Variants in SBF1 observed in about 807,000 individuals in gnomAD.
SBF1 encodes myotubularin-related protein 5.
A neutral mutation model predicts 215.8 loss-of-function variants in SBF1; 65 were observed. That is an observed-to-expected ratio of 0.30 (90% CI 0.25 to 0.37). The LOEUF is 0.37. Among genes scored for constraint, SBF1 ranks in the 10% least tolerant of loss-of-function variants. The pLI is 1.00. For synonymous variants in SBF1, 1,410 were observed against 1,122.8 expected (o/e 1.26, Z -5.11); for missense variants, 2,634 against 2,667.8 (o/e 0.99, Z 0.28).
At chr22:50,471,852 A>G (rs1216553704) in intron 1 of SBF1, among the ~76,000 whole-genome samples, 1 of 152,168 alleles carries the variant, frequency 6.6e-6, no homozygotes, top group Non-Finnish European at 1.5e-5. Flanking sequence ...GGGCTCAAGA[A>G]TGCAGCCAGC....
At chr22:50,455,774 C>G in intron 31 of SBF1, 192 bp from the exon 32 acceptor site, 1 of 613,086 alleles carries the variant, frequency 1.6e-6, no homozygotes, top group Non-Finnish European at 2.9e-6. Context: ...CGCCTCCAGC[C>G]TGCTGGTCAC....
At chr22:50,468,049 GACCCTGGGGAC>G (rs1212035146) in intron 2 of SBF1, 126 bp from the exon 3 acceptor site, 1 of 1,222,720 alleles carries the variant, frequency 8.2e-7, no homozygotes, top group Non-Finnish European at 1.1e-6. Flanking sequence ...CTTGCTTGGA[GACCCTGGGGAC>G]ACGTGGCCTC....
intron 24 of SBF1, 48 bp downstream of exon 24, chr22:50,460,486 G>A (rs1384267691): frequency 9.3e-6 from 15 of 1,609,030 alleles, no homozygotes; most frequent in Non-Finnish European, 1.3e-5. Flanking sequence ...GGTTGGAGCG[G>A]GAACACGGCT....
At chr22:50,453,371 C>A (rs2067122334) in intron 36 of SBF1, among the ~76,000 whole-genome samples, 1 of 152,208 alleles carries the variant, frequency 6.6e-6, no homozygotes, top group African/African-American at 2.4e-5. Context: ...CCCGTACTCC[C>A]CCAAACCCTG....
chr22:50,474,844 G>C lies in SBF1; in HGVS notation c.-4C>G, dbSNP rs536127399. 54 of 1,425,534 alleles carry C rather than the reference G, an allele frequency of 3.8e-5. No homozygotes were observed. In the East Asian group the frequency reaches 8.1e-4, roughly 21 times the overall value. The allele number at this position is 1,425,534 out of a possible 1,614,324, so 88.3% of individuals were successfully genotyped here. ...AGTAGTCCGCGAGCCGCGCCATGGC[G>C]AGGGACGCGGGGCGGCCCGAGGGGC... On this transcript the variant is annotated 5_prime_UTR_variant, in exon 1 of 41. Transcript: ENST00000380817.
At position 50,446,952 on chromosome 22, in the gene SBF1, G is replaced by T; in HGVS notation, c.*190C>A. On this transcript the variant is annotated 3_prime_UTR_variant, in exon 41 of 41. Transcript: ENST00000380817. The stretch of plus-strand genomic sequence containing the variant: ...CCACCTCCCGGCACGGTGCTCAGCT[G>T]TGACGCCAAAATAAGTTAGGGCCGG... The T allele has an allele frequency of 1.4e-6, 1 of 709,522 alleles. No homozygotes were observed. The highest frequency in any genetic ancestry group is 2.5e-6 in the Non-Finnish European group (1 of 392,740). The allele number at this position is 709,522 out of a possible 1,614,324, so 44.0% of individuals were successfully genotyped here.
intron 1 of SBF1, 149 bp from the exon 2 acceptor site, chr22:50,468,610 G>A: frequency 3.4e-6 from 2 of 592,114 alleles, no homozygotes; most frequent in South Asian, 2.1e-5. Context: ...TCCGTATGGA[G>A]AGTCTGCTTG....
chr22:50,448,779 G>T, intron 36 of SBF1, 129 bp from the exon 37 acceptor site: 1 of 675,092 alleles, frequency 1.5e-6, no homozygotes, highest in South Asian at 1.8e-5. Context: ...GGCCACAGGG[G>T]GAGGTGGCAA....
chr22:50,471,628 C>T (rs981678456), intron 1 of SBF1, among the ~76,000 whole-genome samples: 2 of 152,148 alleles, frequency 1.3e-5, no homozygotes, highest in African/African-American at 2.4e-5. Flanking sequence ...ACATGGCTCC[C>T]TCGGCCGCAG....
chr22:50,459,429 A>C, intron 27 of SBF1, 37 bp from the exon 28 acceptor site: 1 of 1,611,742 alleles, frequency 6.2e-7, no homozygotes, highest in Middle Eastern at 1.7e-4. Flanking sequence ...GGGGAGGGTG[A>C]GATAGGGCAG....
chr22:50,458,291 A>C (rs1038115428), intron 28 of SBF1, among the ~76,000 whole-genome samples: 11 of 146,174 alleles, frequency 7.5e-5, no homozygotes, highest in African/African-American at 2.5e-4. Context: ...GGTGACAGAG[A>C]AAGACTCCGA....
At chr22:50,448,032 C>A (rs1301837566) in intron 38 of SBF1, among the ~76,000 whole-genome samples, 4 of 152,194 alleles carry the variant, frequency 2.6e-5, no homozygotes, top group Non-Finnish European at 5.9e-5. Context: ...CCCACCACTG[C>A]CCTCTCTCTA....
chr22:50,468,487 GCACCC>G, intron 1 of SBF1, 26 bp from the exon 2 acceptor site: 1 of 1,530,616 alleles, frequency 6.5e-7, no homozygotes, highest in Non-Finnish European at 8.8e-7. Flanking sequence ...GGGGGTCAGA[GCACCC>G]AACCCGCCCC....
At position 50,459,570 on chromosome 22, in the gene SBF1, G is replaced by A. The variant is rs755641745; in HGVS notation, c.3588C>T (p.Cys1196=). 3.1e-6 allele frequency: 5 copies of A among 1,609,432 alleles called. No homozygotes were observed. The East Asian group carries it at 8.9e-5, about 29-fold the overall frequency. Residue 1196 remains cysteine, a synonymous_variant, in exon 27 of 41, where the codon TGC becomes TGT. Coordinates refer to ENST00000380817, the MANE Select transcript of SBF1 (RefSeq NM_002972.4). ...CYRQNRFPVV[C]WRSGRSKAVL... is the part of the protein sequence containing the mutation. ...CCGCCTTGGACCGCCCGCTGCGCCA[G>A]CAGACCACGGGGAAGCGGTTCTGGC...
intron 5 of SBF1, 146 bp downstream of exon 5, chr22:50,467,192 G>T: frequency 3.0e-6 from 2 of 670,696 alleles, no homozygotes; most frequent in Non-Finnish European, 2.6e-6. Context: ...GGCCAGGACT[G>T]TTGGGGGCAA....
rs1417441955 is a variant in SBF1 at position 50,447,622 on chromosome 22, C to T, written c.5364-13G>A. On this transcript the variant is annotated splice_polypyrimidine_tract_variant and intron_variant, in intron 38 of 40. Coordinates refer to ENST00000380817, the MANE Select transcript of SBF1 (RefSeq NM_002972.4). Reference sequence around the variant, plus strand: ...GCCCTCGTAGGACCTGCATTTCCAGCAGAACCAGGGCCAGGCTGACCGTCA... The same window carrying T: ...GCCCTCGTAGGACCTGCATTTCCAGTAGAACCAGGGCCAGGCTGACCGTCA... 6.3e-7 allele frequency: 1 copy of T among 1,596,802 alleles called. No homozygotes were observed. The highest frequency in any genetic ancestry group is 2.3e-5 in the East Asian group (1 of 44,336).
At position 50,456,297 on chromosome 22, in the gene SBF1, T is replaced by C. The variant is rs371662879; in HGVS notation, c.4185A>G (p.Ala1395=). 6.8e-6 allele frequency: 11 copies of C among 1,612,884 alleles called. No homozygotes were observed. Among genetic ancestry groups the C allele is most frequent in the South Asian group, 1.1e-5 (1 of 91,032 alleles). Residue 1395 remains alanine (A), a synonymous_variant, in exon 31 of 41, where the codon GCA becomes GCG. Coordinates refer to ENST00000380817, the MANE Select transcript of SBF1 (RefSeq NM_002972.4). ...VKASFKKLLK[A]CVPGCPAAEP... Reference sequence around the variant, plus strand: ...CAGCAGCGGGGCAGCCTGGGACACATGCTTTCAGCAGCTTCTTGAAGCTAG... The same window carrying C: ...CAGCAGCGGGGCAGCCTGGGACACACGCTTTCAGCAGCTTCTTGAAGCTAG...
At chr22:50,464,160 G>A (rs2067646324) in intron 15 of SBF1, among the ~76,000 whole-genome samples, 169 bp downstream of exon 15, 1 of 152,196 alleles carries the variant, frequency 6.6e-6, no homozygotes, top group Non-Finnish European at 1.5e-5. Context: ...CTGAGGTCAA[G>A]AGAGGAGACC....
intron 36 of SBF1, among the ~76,000 whole-genome samples, chr22:50,450,665 C>T (rs1230274698): frequency 1.3e-5 from 2 of 152,220 alleles, no homozygotes; most frequent in African/African-American, 4.8e-5. Flanking sequence ...AGAGGCCACA[C>T]GCCTTGGGCT....
Sources: gnomAD v4.1 joint callset for allele counts (sites outside exome capture counted in the v4.1 genomes callset) on GRCh38, gnomAD v4.1.1 for gene constraint, MANE v1.5 for transcripts, NCBI Gene and HGNC (gene_info 2026-07-23, HGNC 2026-07-21) for gene names.